Variants in RALYL observed in about 807,000 individuals in gnomAD.
RALYL encodes RALY RNA binding protein like.
In RALYL, 29 loss-of-function variants were observed where a neutral mutation model predicts 35.1. The observed-to-expected ratio is 0.83, with a 90% CI of 0.61 to 1.13. The LOEUF (loss-of-function observed/expected upper bound fraction) is 1.13. RALYL is among the 50% of genes most tolerant of loss of function. The pLI, the probability that RALYL is intolerant of heterozygous loss-of-function variation, is 0.00. For synonymous variants in RALYL, 120 were observed against 127.6 expected, an observed-to-expected ratio of 0.94 and a Z score of 0.40; for missense variants, 359 against 360.4, an observed-to-expected ratio of 1.00 and a Z score of 0.03.
intron 1 of RALYL, among the ~76,000 whole-genome samples, chr8:84,305,524 G>A (rs1438114489): frequency 1.3e-5 from 2 of 152,164 alleles, no homozygotes; most frequent in South Asian, 2.1e-4. Flanking sequence ...GGAACAAATT[G>A]CAAATGAAAC....
chr8:84,783,833 A>T (rs568966255), intron 3 of RALYL, among the ~76,000 whole-genome samples: 35 of 152,282 alleles, frequency 2.3e-4, no homozygotes, highest in African/African-American at 8.4e-4. Flanking sequence ...CAATAGGGAG[A>T]ATTAAGCCAC....
intron 1 of RALYL, among the ~76,000 whole-genome samples, chr8:84,363,450 C>G (rs754958342): frequency 6.6e-6 from 1 of 152,122 alleles, no homozygotes; most frequent in African/African-American, 2.4e-5. Context: ...TGGGTAATGC[C>G]TTATCTCTGC....
At chr8:84,295,298 G>A (rs941542447) in intron 1 of RALYL, among the ~76,000 whole-genome samples, 1 of 152,110 alleles carries the variant, frequency 6.6e-6, no homozygotes, top group South Asian at 2.1e-4. Context: ...GTCAATGCCT[G>A]TTGATGTTTG....
chr8:84,694,774 A>T (rs1028840912), intron 2 of RALYL, among the ~76,000 whole-genome samples: 1 of 151,834 alleles, frequency 6.6e-6, no homozygotes, highest in Non-Finnish European at 1.5e-5. Flanking sequence ...CCAATAAATT[A>T]TTGTCTTATG....
chr8:84,272,755 C>T (rs1016040299), intron 1 of RALYL, among the ~76,000 whole-genome samples: 1 of 152,080 alleles, frequency 6.6e-6, no homozygotes, highest in Non-Finnish European at 1.5e-5. Context: ...TCATAAAATA[C>T]ATAAAAATTA....
intron 4 of RALYL, among the ~76,000 whole-genome samples, chr8:84,819,903 C>T (rs1440874696): frequency 6.6e-6 from 1 of 152,124 alleles, no homozygotes; most frequent in East Asian, 1.9e-4. Context: ...AATAAAGTGT[C>T]ACATTAAACC....
At chr8:84,277,250 T>C (rs1011297450) in intron 1 of RALYL, among the ~76,000 whole-genome samples, 5 of 152,210 alleles carry the variant, frequency 3.3e-5, no homozygotes, top group African/African-American at 1.2e-4. Context: ...AGGCACATTG[T>C]GGCAGGCAAC....
At chr8:84,381,562 A>G (rs922334644) in intron 1 of RALYL, among the ~76,000 whole-genome samples, 7 of 151,572 alleles carry the variant, frequency 4.6e-5, no homozygotes, top group African/African-American at 1.2e-4. Context: ...TGTTCCCTCT[A>G]TTTCCTTCAA....
chr8:84,351,684 C>T (rs1199648824), intron 1 of RALYL, among the ~76,000 whole-genome samples: 1 of 149,686 alleles, frequency 6.7e-6, no homozygotes, highest in African/African-American at 2.5e-5. Context: ...CTTAAGACTA[C>T]CTTGTTTTTT....
At chr8:84,315,034 C>T (rs184362002) in intron 1 of RALYL, among the ~76,000 whole-genome samples, 12 of 152,130 alleles carry the variant, frequency 7.9e-5, no homozygotes, top group Non-Finnish European at 4.4e-5. Flanking sequence ...AATTACCATG[C>T]GCATCTGAAA....
At position 84,403,524 on chromosome 8, in the gene RALYL, G is replaced by GTTTTT. The variant is rs769845435; in HGVS notation, c.-23-125749_-23-125745dup. 6.9e-3 allele frequency among the ~76,000 whole-genome samples: 271 copies of GTTTTT among 39,460 alleles called. 59 individuals carry two copies. Among genetic ancestry groups the GTTTTT allele is most frequent in the Non-Finnish European group, 9.5e-3 (174 of 18,410 alleles). The allele number at this position is 39,460 out of a possible 152,430, so 25.9% of individuals were successfully genotyped here. On this transcript the variant is annotated intron_variant, in intron 1 of 8. Transcript: ENST00000521268. ...TTCTGTTCCATTGGTCTATATCTCT[G>GTTTTT]TTTTTTTTTTTTTTTTTTTTTTTTT...
intron 1 of RALYL, among the ~76,000 whole-genome samples, chr8:84,437,364 C>A (rs887733758): frequency 6.6e-6 from 1 of 152,110 alleles, no homozygotes; most frequent in African/African-American, 2.4e-5. Context: ...TACTTTCTTT[C>A]AGATATCTAC....
At chr8:84,548,502 G>T (rs1037048663) in intron 2 of RALYL, among the ~76,000 whole-genome samples, 11 of 151,932 alleles carry the variant, frequency 7.2e-5, no homozygotes, top group Non-Finnish European at 1.5e-4. Context: ...GTGTGCTTTT[G>T]TCATCTGTAT....
intron 1 of RALYL, among the ~76,000 whole-genome samples, chr8:84,342,438 A>G (rs1849039654): frequency 6.6e-6 from 1 of 150,600 alleles, no homozygotes; most frequent in Non-Finnish European, 1.5e-5. Context: ...GGGATAACAG[A>G]GGAATATATA....
At chr8:84,589,145 G>T (rs764569005) in intron 2 of RALYL, among the ~76,000 whole-genome samples, 9 of 152,146 alleles carry the variant, frequency 5.9e-5, no homozygotes, top group Non-Finnish European at 1.3e-4. Flanking sequence ...TGATCCGCCC[G>T]CCTCGGCCTC....
chr8:84,329,145 T>A (rs1272494884), intron 1 of RALYL, among the ~76,000 whole-genome samples: 1 of 152,158 alleles, frequency 6.6e-6, no homozygotes, highest in Non-Finnish European at 1.5e-5. Flanking sequence ...TTGGGTCAAA[T>A]GGGAGTTCTG....
At chr8:84,275,672 C>G (rs1835231784) in intron 1 of RALYL, among the ~76,000 whole-genome samples, 2 of 152,088 alleles carry the variant, frequency 1.3e-5, no homozygotes, top group South Asian at 4.1e-4. Context: ...CTTTGACCAT[C>G]ATCTTCTCAA....
At chr8:84,689,526 C>T (rs903978755) in intron 2 of RALYL, among the ~76,000 whole-genome samples, 99 of 152,034 alleles carry the variant, frequency 6.5e-4, no homozygotes, top group African/African-American at 1.8e-3. Context: ...TGAATAGTGC[C>T]GCAATAAACA....
intron 2 of RALYL, chr8:84,679,530 G>A: frequency 2.7e-6 from 1 of 365,142 alleles, no homozygotes; most frequent in East Asian, 7.1e-5. Context: ...AAATATATCT[G>A]CAAAGGGGCT....
Sources: gnomAD v4.1 joint callset for allele counts (sites outside exome capture counted in the v4.1 genomes callset) on GRCh38, gnomAD v4.1.1 for gene constraint, MANE v1.5 for transcripts, NCBI Gene and HGNC (gene_info 2026-07-23, HGNC 2026-07-21) for gene names.